The following A2ML1 variants were observed in gnomAD, a reference collection of about 807,000 sequenced individuals.
The protein encoded by A2ML1 is alpha-2-macroglobulin-like protein 1.
Under a neutral mutation model 181.9 loss-of-function variants are expected in A2ML1, and 161 were observed. The ratio of observed to expected loss-of-function variants is 0.89; its 90% confidence interval spans 0.78 to 1.01. The LOEUF (loss-of-function observed/expected upper bound fraction) is 1.01, where lower values mean the gene tolerates loss of function less well. Among genes scored for constraint, A2ML1 ranks in the 50% least tolerant of loss-of-function variants. A2ML1 has a pLI of 0.00. For synonymous variants in A2ML1, 663 were observed against 666.8 expected, an observed-to-expected ratio of 0.99 and a Z score of 0.09; for missense variants, 1,670 against 1,768.1, an observed-to-expected ratio of 0.94 and a Z score of 1.00.
At chr12:8,845,664 G>A (rs1943646729) in intron 13 of A2ML1, among the ~76,000 whole-genome samples, 162 bp downstream of exon 13, 1 of 151,974 alleles carries the variant, frequency 6.6e-6, no homozygotes, top group South Asian at 2.1e-4. Flanking sequence ...TGGCTAACAT[G>A]GTGAAACCCC....
intron 20 of A2ML1, among the ~76,000 whole-genome samples, chr12:8,853,119 G>A (rs1303066838): frequency 2.0e-5 from 3 of 152,108 alleles, no homozygotes; most frequent in Middle Eastern, 3.4e-3. Flanking sequence ...CTAGGCCTCC[G>A]GAGTAGCTGG....
At chr12:8,845,179 G>C in intron 12 of A2ML1, 3 of 1,528,942 alleles carry the variant, frequency 2.0e-6, no homozygotes, top group Admixed American at 4.1e-5. Context: ...TCTATGGTGA[G>C]GAACAATTTC....
rs778132993 is a variant in A2ML1, at chr12:8,829,654, CAAAAA to C, written c.410-55_410-51del. ...TGGGTGACAGAGTGAGACCCTGTATCAAAAAAAAAAAAAAAAAAAAAATTCTGAGC... is the reference window on the plus strand; with the variant it reads ...TGGGTGACAGAGTGAGACCCTGTATCAAAAAAAAAAAAAAAAATTCTGAGC... On this transcript the variant is annotated intron_variant, in intron 3 of 35. Transcript: ENST00000299698. The C allele has an allele frequency of 5.3e-3, 5,875 of 1,108,710 alleles. 1 individual carries two copies. Among genetic ancestry groups the C allele is most frequent in the African/African-American group, 8.3e-3 (410 of 49,516 alleles). The allele number at this position is 1,108,710 out of a possible 1,614,324, so 68.7% of individuals were successfully genotyped here. A position where few individuals can be genotyped will look rare whatever the true frequency, so the allele number is the denominator to read the frequency against.
At position 8,823,306 on chromosome 12, in the gene A2ML1, C is replaced by T. The variant is rs1942808460; in HGVS notation, c.187C>T (p.Gln63Ter). The T allele has an allele frequency of 6.2e-7, 1 of 1,614,018 alleles. No individual in the cohort carries two copies. The highest frequency in any genetic ancestry group is 1.3e-5 in the African/African-American group (1 of 74,900). The change falls in exon 2 of 36, where the codon CAG (glutamine) becomes TAG (stop). Residue 63 changes from glutamine (Q) to a stop codon, truncating the protein, a stop_gained. Coordinates refer to ENST00000299698, the MANE Select transcript of A2ML1 (RefSeq NM_144670.6). LOFTEE classifies it high-confidence loss of function. ...TACTCTGGAGACCAAGGACAAGACC[C>T]AGAAGTTGCTAGAATACTCTGGACT... The part of the protein sequence containing the change: ...TVTLETKDKT[Q>*]KLLEYSGLKK...
downstream of A2ML1, among the ~76,000 whole-genome samples, chr12:8,879,336 A>G (rs181676189): frequency 1.3e-5 from 2 of 151,938 alleles, no homozygotes; most frequent in African/African-American, 4.8e-5. Context: ...TACTAAATAT[A>G]CAAAATTAGC....
intron 33 of A2ML1, 27 bp downstream of exon 33, chr12:8,869,230 A>G: frequency 2.5e-6 from 4 of 1,610,462 alleles, no homozygotes; most frequent in Non-Finnish European, 3.4e-6. Context: ...CAGATCAAAG[A>G]GCTGGATTGC....
At chr12:8,836,642 C>T (rs570372406) in intron 7 of A2ML1, among the ~76,000 whole-genome samples, 409 of 152,070 alleles carry the variant, frequency 2.7e-3, no homozygotes, top group Non-Finnish European at 5.1e-3. Context: ...CGCCACCATG[C>T]CTGGCTAATG....
downstream of A2ML1, among the ~76,000 whole-genome samples, chr12:8,887,447 G>A (rs767527059): frequency 1.1e-4 from 16 of 152,256 alleles, no homozygotes; most frequent in Admixed American, 4.6e-4. Context: ...AGCATGAGTC[G>A]CAAGACATGT....
intron 15 of A2ML1, among the ~76,000 whole-genome samples, chr12:8,848,271 T>C (rs1361073150): frequency 6.6e-6 from 1 of 151,682 alleles, no homozygotes; most frequent in Non-Finnish European, 1.5e-5. Context: ...ACCTGAGGTC[T>C]GGGGTTCAAG....
At chr12:8,870,850 T>C (rs1944599985) in intron 33 of A2ML1, among the ~76,000 whole-genome samples, 1 of 152,212 alleles carries the variant, frequency 6.6e-6, no homozygotes, top group Non-Finnish European at 1.5e-5. Context: ...CTCCTCAGTG[T>C]GTCCTGCCAA....
chr12:8,857,256 A>G lies in A2ML1; in HGVS notation c.2941A>G (p.Ile981Val). 3 of 1,613,690 alleles carry G rather than the reference A, an allele frequency of 1.9e-6. No homozygotes were observed. The highest frequency in any genetic ancestry group is 2.5e-6 in the Non-Finnish European group (3 of 1,180,004). ...GEQNMVLFAP[I>V]IYVLQYLEKA... ...GCAGAACATGGTCTTGTTTGCTCCC[A>G]TCATCTATGTCTTGCAGTACCTGGA... Residue 981 changes from isoleucine to valine, a missense_variant, in exon 24 of 36, where the codon ATC (isoleucine) becomes GTC (valine). Physicochemically the swap from Ile to Val is conservative, Grantham distance 29. Transcript: ENST00000299698.
chr12:8,868,492 A>C, intron 31 of A2ML1, 45 bp from the exon 32 acceptor site: 4 of 1,602,634 alleles, frequency 2.5e-6, no homozygotes, highest in Non-Finnish European at 3.4e-6. Context: ...TGCAGAGTGC[A>C]CTGAAGTAAT....
intron 3 of A2ML1, among the ~76,000 whole-genome samples, 170 bp from the exon 4 acceptor site, chr12:8,829,557 G>C (rs1431038780): frequency 2.0e-5 from 3 of 151,796 alleles, no homozygotes; most frequent in African/African-American, 7.3e-5. Flanking sequence ...CCGGAGGCTG[G>C]GGTGGGAGAA....
Position 8,834,699 on chromosome 12 carries a change from T to G in A2ML1, c.483+17T>G. On this transcript the variant is annotated intron_variant, in intron 5 of 35. Transcript: ENST00000299698. ...GAACTACAGGTAAGCGGAAGTTTCT[T>G]TCTCTTCTCTGTCAGTTGTGGAAGA... is the stretch of plus-strand genomic sequence containing the variant. The G allele has an allele frequency of 6.2e-7, 1 of 1,614,108 alleles. No individual in the cohort carries two copies. The highest frequency in any genetic ancestry group is 8.5e-7 in the Non-Finnish European group (1 of 1,179,982).
chr12:8,883,685 T>G (rs1248015484), intron 7 of A2ML1, among the ~76,000 whole-genome samples: 1 of 151,364 alleles, frequency 6.6e-6, no homozygotes, highest in Non-Finnish European at 1.5e-5. Context: ...ACCATGTTGG[T>G]CAGGCTGGTC....
At position 8,867,942 on chromosome 12, in the gene A2ML1, A is replaced by G; in HGVS notation, c.3818A>G (p.Gln1273Arg). The change falls in exon 30 of 36, where the codon CAG becomes CGG. Residue 1273 changes from glutamine (Q) to arginine (R), a missense_variant. Coordinates refer to ENST00000299698, the MANE Select transcript of A2ML1 (RefSeq NM_144670.6). ...NLVVKSTENFQRTFNIQSVNR... is the reference protein window; with the variant it reads ...NLVVKSTENFRRTFNIQSVNR... ...GTTGTAAAATCCACTGAGAATTTCC[A>G]GCGCACATTCAACATACAGTCAGTT... 1 of 1,614,232 alleles carries G rather than the reference A, an allele frequency of 6.2e-7. No homozygotes were observed. The highest frequency in any genetic ancestry group is 8.5e-7 in the Non-Finnish European group (1 of 1,180,040).
At position 8,843,151 on chromosome 12, in the gene A2ML1, A is replaced by G. The variant is rs1292622567; in HGVS notation, c.1266A>G (p.Glu422=). 4.3e-6 allele frequency: 7 copies of G among 1,614,146 alleles called. No individual in the cohort carries two copies. The highest frequency in any genetic ancestry group is 5.9e-6 in the Non-Finnish European group (7 of 1,180,002). ...DVSLEGKFQM[E]DLVYNPEQVP... is the part of the protein sequence containing the mutation. ...ATTCTCAGGGAAAGTTTCAAATGGA[A>G]GACTTAGTATATAATCCGGAACAAG... The change falls in exon 12 of 36, where the codon GAA becomes GAG. Residue 422 remains glutamate, a synonymous_variant. Transcript: ENST00000299698.
At position 8,852,488 on chromosome 12, in the gene A2ML1, CAA is replaced by C. The variant is rs1213429918; in HGVS notation, c.2590+154_2590+155del. ...CCTAAGGCTGTTATAAGTCAATACA[CAA>C]ACACTCTTTGATAGGTGACCAAACA... On this transcript the variant is annotated intron_variant, in intron 20 of 35. Transcript: ENST00000299698. This position sits in a 1 kb window ranked among gnomAD's most constrained non-coding sequence, Gnocchi z 4.2. 32 of 1,163,784 alleles carry C rather than the reference CAA, an allele frequency of 2.7e-5. No individual in the cohort carries two copies. The East Asian group carries it at 7.6e-4, about 28-fold the overall frequency. The allele number at this position is 1,163,784 out of a possible 1,614,324, so 72.1% of individuals were successfully genotyped here.
chr12:8,862,040 G>A (rs1044662063), intron 28 of A2ML1, among the ~76,000 whole-genome samples: 5 of 152,020 alleles, frequency 3.3e-5, no homozygotes, highest in East Asian at 3.9e-4. Flanking sequence ...GATTACAGGC[G>A]TGAGCCACCA....
Sources: allele counts gnomAD v4.1 joint callset (sites outside exome capture counted in the v4.1 genomes callset), GRCh38; gene constraint gnomAD v4.1.1; non-coding constraint Gnocchi (gnomAD v3.1); transcripts MANE v1.5; gene names NCBI Gene and HGNC (gene_info 2026-07-23, HGNC 2026-07-21).